Variants in GNAI2 observed in about 807,000 individuals in gnomAD.
The protein encoded by GNAI2 is guanine nucleotide-binding protein G(i) subunit alpha-2.
In GNAI2, 4 loss-of-function variants were observed where a neutral mutation model predicts 36.8. The observed-to-expected ratio is 0.11, with a 90% confidence interval of 0.05 to 0.25. The LOEUF is 0.25. Ranked by LOEUF, GNAI2 falls within the 10% of genes least tolerant of loss-of-function variation. GNAI2 has a pLI of 1.00. For missense variants in GNAI2, 230 were observed against 481.3 expected (o/e 0.48, Z 4.89); for synonymous variants, 194 against 194.1 (o/e 1.00, Z 0.01).
Position 50,256,830 on chromosome 3 carries a change from T to G in GNAI2, c.701T>G (p.Val234Gly). Residue 234 changes from valine (V) to glycine (G), a missense_variant, in exon 6 of 9, where the codon GTG becomes GGG. This residue lies in a region of GNAI2 where 30 missense variants were observed against 128.7 expected (regional missense o/e 0.23). Transcript: ENST00000313601. ...FCVALSAYDL[V>G]LAEDEEMNRM... ...GTAGCCTTGAGCGCCTATGACTTGG[T>G]GCTAGCTGAGGACGAGGAGATGGTG... The G allele has an allele frequency of 6.2e-7, 1 of 1,614,152 alleles. No individual in the cohort carries two copies. The highest frequency in any genetic ancestry group is 8.5e-7 in the Non-Finnish European group (1 of 1,180,004).
chr3:50,229,856 G>A (rs1700042574), upstream of GNAI2: 1 of 152,324 alleles, frequency 6.6e-6, no homozygotes, highest in East Asian at 1.9e-4. Flanking sequence ...GTTCCTCAAG[G>A]ACAGGGCCCA....
At chr3:50,233,729 A>G (rs1225556209), upstream of GNAI2, among the ~76,000 whole-genome samples, 2 of 152,092 alleles carry the variant, frequency 1.3e-5, no homozygotes, top group Non-Finnish European at 2.9e-5. Flanking sequence ...GGGACATCAT[A>G]TCCTATGTCT....
upstream of GNAI2, among the ~76,000 whole-genome samples, chr3:50,232,536 G>A (rs1553699881): frequency 6.6e-6 from 1 of 152,186 alleles, no homozygotes; most frequent in African/African-American, 2.4e-5. Context: ...ACAAGTAGCT[G>A]GCAAGTTTGC....
At chr3:50,233,892 C>CTTTT (rs11313623), upstream of GNAI2, among the ~76,000 whole-genome samples, 7 of 110,204 alleles carry the variant, frequency 6.4e-5, no homozygotes, top group South Asian at 2.8e-4. Flanking sequence ...TAACAAGGTT[C>CTTTT]TTTTTTTTTT....
rs1330275710 is a variant in GNAI2, at chr3:50,236,226, G to A, written c.-110G>A. The A allele has an allele frequency of 2.9e-5, 35 of 1,189,728 alleles. No homozygotes were observed. The highest frequency in any genetic ancestry group is 3.5e-5 in the Non-Finnish European group (34 of 961,430). The allele number at this position is 1,189,728 out of a possible 1,614,324, so 73.7% of individuals were successfully genotyped here. ...CGCAGTCGCTCGGAACTGCCGACCC[G>A]AGTGCTTCCCGCAGAGGGCTGGTGG... On this transcript the variant is annotated 5_prime_UTR_variant, in exon 1 of 9. Coordinates refer to ENST00000313601, the MANE Select transcript of GNAI2 (RefSeq NM_002070.4). This position sits in a 1 kb window ranked among gnomAD's most constrained non-coding sequence, Gnocchi z 4.0.
chr3:50,253,247 C>T lies in GNAI2; in HGVS notation c.464+63C>T, dbSNP rs946450656. 19 of 1,338,672 alleles carry T rather than the reference C, an allele frequency of 1.4e-5. No homozygotes were observed. The highest frequency in any genetic ancestry group is 1.9e-4 in the Middle Eastern group (1 of 5,136). The allele number at this position is 1,338,672 out of a possible 1,614,324, so 82.9% of individuals were successfully genotyped here. On this transcript the variant is annotated intron_variant, in intron 4 of 8. Coordinates refer to ENST00000313601, the MANE Select transcript of GNAI2 (RefSeq NM_002070.4). This position sits in a 1 kb window ranked among gnomAD's most constrained non-coding sequence, Gnocchi z 4.2. ...GCTGGGGGAGGACTAAAGGCTGGAC[C>T]GGAGGGCCTGAGAACCCCCAGAAGG... is the stretch of plus-strand genomic sequence containing the variant.
rs1700622649 is a variant in GNAI2, at chr3:50,253,804, C to T, written c.464+620C>T. Among the ~76,000 whole-genome samples, 1 of 152,172 alleles carries T rather than the reference C, an allele frequency of 6.6e-6. No homozygotes were observed. The highest frequency in any genetic ancestry group is 2.1e-4 in the South Asian group (1 of 4,832). On this transcript the variant is annotated intron_variant, in intron 4 of 8. Coordinates refer to ENST00000313601, the MANE Select transcript of GNAI2 (RefSeq NM_002070.4). This position sits in a 1 kb window ranked among gnomAD's most constrained non-coding sequence, Gnocchi z 4.2. ...CACAGTGATGAGTGGAGCAAAGTCC[C>T]CATGCAGTGACAATTTAGGGTGTTA...
chr3:50,243,399 AAGGCCAGCCAC>A (rs1700339820), intron 1 of GNAI2, among the ~76,000 whole-genome samples: 1 of 152,248 alleles, frequency 6.6e-6, no homozygotes, highest in African/African-American at 2.4e-5. Flanking sequence ...CCAAAGCCGG[AAGGCCAGCCAC>A]AGGCTGAGAT....
upstream of GNAI2, among the ~76,000 whole-genome samples, chr3:50,233,238 C>A (rs147797513): frequency 0.014 from 2,145 of 152,246 alleles, 44 homozygotes; most frequent in Non-Finnish European, 0.017. Context: ...GGAAGGGTGC[C>A]ATAACCACAG....
chr3:50,232,892 G>A (rs1326763639), upstream of GNAI2, among the ~76,000 whole-genome samples: 1 of 151,574 alleles, frequency 6.6e-6, no homozygotes, highest in African/African-American at 2.4e-5. Flanking sequence ...GCTGGTGGGG[G>A]GATCATGAAG....
At chr3:50,257,932 T>C (rs1700749343) in intron 8 of GNAI2, 2 of 437,490 alleles carry the variant, frequency 4.6e-6, no homozygotes, top group Admixed American at 3.9e-5. Context: ...CCTGGCCCAG[T>C]GGTCCAGACA....
chr3:50,257,190 G>A, intron 7 of GNAI2, 100 bp downstream of exon 7: 4 of 1,013,768 alleles, frequency 3.9e-6, no homozygotes, highest in Middle Eastern at 2.5e-4. Context: ...CTGGACAGAA[G>A]TGTAACCTTG....
upstream of GNAI2, chr3:50,227,134 G>T (rs1350818014): frequency 7.0e-7 from 1 of 1,432,698 alleles, no homozygotes; most frequent in South Asian, 1.4e-5. The surrounding 1 kb of genome is among the most constrained non-coding windows in gnomAD (Gnocchi z 5.9). Flanking sequence ...ATGACGGAGG[G>T]TGTGAAGACG....
At position 50,238,834 on chromosome 3, in the gene GNAI2, G is replaced by A. The variant is rs902399711; in HGVS notation, c.118+2381G>A. 1.3e-5 allele frequency among the ~76,000 whole-genome samples: 2 copies of A among 152,328 alleles called. No individual in the cohort carries two copies. Among genetic ancestry groups the A allele is most frequent in the Non-Finnish European group, 2.9e-5 (2 of 68,030 alleles). On this transcript the variant is annotated intron_variant, in intron 1 of 8. Transcript: ENST00000313601. This position sits in a 1 kb window ranked among gnomAD's most constrained non-coding sequence, Gnocchi z 5.0. ...GTTCTGGGCGCCTGTCCCATGTAGC[G>A]GGAGACTTTGTCCAGGCAACGGGAC...
chr3:50,251,812 C>T, intron 1 of GNAI2: 1 of 1,305,406 alleles, frequency 7.7e-7, no homozygotes, highest in East Asian at 3.6e-5. Flanking sequence ...AGCCAAGACC[C>T]CCCAGGACAG....
At position 50,257,507 on chromosome 3, in the gene GNAI2, C is replaced by A. The variant is rs587647183; in HGVS notation, c.885C>A (p.Asn295Lys). The change falls in exon 8 of 9, where the codon AAC becomes AAA. Residue 295 changes from asparagine to lysine, a missense_variant. Asn to Lys is a moderately conservative substitution (Grantham distance 94). Transcript: ENST00000313601. Reference protein sequence around the residue: ...TICFPEYTGANKYDEAASYIQ... With the variant: ...TICFPEYTGAKKYDEAASYIQ... Reference sequence around the variant, plus strand: ...TCATTTTCTCTCCCCCAGGGGCCAACAAATATGATGAGGCAGCCAGCTACA... The same window carrying A: ...TCATTTTCTCTCCCCCAGGGGCCAAAAAATATGATGAGGCAGCCAGCTACA... The A allele has an allele frequency of 3.2e-6, 5 of 1,558,478 alleles. No individual in the cohort carries two copies. Among genetic ancestry groups the A allele is most frequent in the South Asian group, 2.4e-5 (2 of 83,840 alleles).
Position 50,258,898 on chromosome 3 carries a change from G to GAAA in GNAI2, c.*565_*567dup. On this transcript the variant is annotated 3_prime_UTR_variant, in exon 9 of 9. Transcript: ENST00000313601. ...GCTTTTTAAAAAAATGAAAGTAAAG[G>GAAA]AAAAAAAAAAAACTGCAAATCTAGA... is the stretch of plus-strand genomic sequence containing the variant. 1.3e-5 allele frequency: 5 copies of GAAA among 381,662 alleles called. No individual in the cohort carries two copies. Among genetic ancestry groups the GAAA allele is most frequent in the African/African-American group, 2.2e-5 (1 of 44,714 alleles). The allele number at this position is 381,662 out of a possible 1,614,324, so 23.6% of individuals were successfully genotyped here. A position where few individuals can be genotyped will look rare whatever the true frequency, so the allele number is the denominator to read the frequency against.
At chr3:50,234,994 C>T (rs1332330335), upstream of GNAI2, among the ~76,000 whole-genome samples, 3 of 152,200 alleles carry the variant, frequency 2.0e-5, no homozygotes, top group African/African-American at 7.2e-5. Context: ...GGATCATGGC[C>T]ACCTCCAGAC....
chr3:50,253,053 C>T lies in GNAI2; in HGVS notation c.333C>T (p.Ser111=). The part of the protein sequence containing the change: ...ADDARQLFAL[S]CTAEEQGVLP... ...ACGCCAGGCAGCTATTTGCACTGTC[C>T]TGCACCGCCGAGGAGCAAGGCGTGC... Residue 111 remains serine, a synonymous_variant, in exon 4 of 9, where the codon TCC becomes TCT. Transcript: ENST00000313601. The surrounding 1 kb of genome is among the most constrained non-coding windows in gnomAD (Gnocchi z 4.2). 1.2e-6 allele frequency: 2 copies of T among 1,610,986 alleles called. No individual in the cohort carries two copies. Among genetic ancestry groups the T allele is most frequent in the Non-Finnish European group, 1.7e-6 (2 of 1,177,962 alleles).
Sources: allele counts gnomAD v4.1 joint callset (sites outside exome capture counted in the v4.1 genomes callset), GRCh38; gene constraint gnomAD v4.1.1; regional missense constraint gnomAD v4.1.1; non-coding constraint Gnocchi (gnomAD v3.1); transcripts MANE v1.5; gene names NCBI Gene and HGNC (gene_info 2026-07-23, HGNC 2026-07-21).